Variants in SLC60A2 observed in about 807,000 individuals in gnomAD.
SLC60A2 encodes the protein solute carrier family 60 member 2.
chr6:111,262,927 A>G, the SLC60A2 span, among the ~76,000 whole-genome samples: 1 of 151,356 alleles, frequency 6.6e-6, no homozygotes, highest in Non-Finnish European at 1.5e-5. Flanking sequence ...CTGGAAATAG[A>G]TGGCAAAGCT....
chr6:111,261,950 C>A, the SLC60A2 span, among the ~76,000 whole-genome samples: 1 of 151,742 alleles, frequency 6.6e-6, no homozygotes. Flanking sequence ...TCAAAATGTA[C>A]GAAACCATTT....
At chr6:111,266,980 G>A in the SLC60A2 span, 1 of 1,614,214 alleles carries the variant, frequency 6.2e-7, no homozygotes, top group East Asian at 2.2e-5. Flanking sequence ...ACATCTAGAA[G>A]TAGTCTGACG....
At chr6:111,263,606 A>G in the SLC60A2 span, among the ~76,000 whole-genome samples, 1 of 152,226 alleles carries the variant, frequency 6.6e-6, no homozygotes, top group Non-Finnish European at 1.5e-5. Context: ...TTTGATTACT[A>G]GCAGTGCTTT....
chr6:111,265,822 T>C, the SLC60A2 span: 1 of 1,466,362 alleles, frequency 6.8e-7, no homozygotes, highest in Non-Finnish European at 9.2e-7. Flanking sequence ...CTTTTTTTTT[T>C]AATAAGTAAG....
At chr6:111,267,139 G>C in the SLC60A2 span, 1 of 1,572,702 alleles carries the variant, frequency 6.4e-7, no homozygotes, top group Non-Finnish European at 8.6e-7. Context: ...ATTACTCACT[G>C]ACATCTTTGA....
At chr6:111,279,790 C>G in the SLC60A2 span, among the ~76,000 whole-genome samples, 2 of 152,048 alleles carry the variant, frequency 1.3e-5, no homozygotes, top group Admixed American at 1.3e-4. Flanking sequence ...GACTACTCAC[C>G]TAGGCTGGGC....
the SLC60A2 span, chr6:111,267,239 A>T: frequency 1.0e-6 from 1 of 967,576 alleles, no homozygotes. Context: ...GGTCCATATT[A>T]TAGCAAATGC....
the SLC60A2 span, among the ~76,000 whole-genome samples, chr6:111,272,332 A>G: frequency 6.6e-6 from 1 of 152,090 alleles, no homozygotes; most frequent in South Asian, 2.1e-4. Flanking sequence ...CATGCATACA[A>G]TGTGTAGTGA....
At chr6:111,266,052 C>G in the SLC60A2 span, 1 of 1,614,192 alleles carries the variant, frequency 6.2e-7, no homozygotes, top group South Asian at 1.1e-5. Flanking sequence ...TGCACTCAAC[C>G]AATCATCTGA....
At chr6:111,266,000 G>C in the SLC60A2 span, 14 of 1,614,156 alleles carry the variant, frequency 8.7e-6, no homozygotes, top group Non-Finnish European at 1.2e-5. Context: ...CTTTGGGTCC[G>C]ACAGCGTCTG....
At chr6:111,266,073 G>A in the SLC60A2 span, 1 of 1,614,204 alleles carries the variant, frequency 6.2e-7, no homozygotes, top group Non-Finnish European at 8.5e-7. Flanking sequence ...TGCTGACTCA[G>A]AAGCTCTGTT....
chr6:111,267,379 G>T, the SLC60A2 span: 1 of 352,796 alleles, frequency 2.8e-6, no homozygotes, highest in Non-Finnish European at 5.1e-6. Flanking sequence ...ATATTTTATG[G>T]TCTCCACCCC....
the SLC60A2 span, among the ~76,000 whole-genome samples, chr6:111,263,412 C>T: frequency 6.6e-6 from 1 of 152,066 alleles, no homozygotes; most frequent in African/African-American, 2.4e-5. Flanking sequence ...CTCCCTATTT[C>T]CCAAACTAAT....
the SLC60A2 span, among the ~76,000 whole-genome samples, chr6:111,275,957 G>A: frequency 6.6e-6 from 1 of 152,098 alleles, no homozygotes; most frequent in Non-Finnish European, 1.5e-5. Context: ...CCCAGCCCTT[G>A]TCAACCACCA....
the SLC60A2 span, among the ~76,000 whole-genome samples, chr6:111,277,529 C>T: frequency 6.6e-6 from 1 of 152,138 alleles, no homozygotes; most frequent in East Asian, 1.9e-4. Context: ...GTTCAGTAAC[C>T]AGGGCCCTGG....
the SLC60A2 span, among the ~76,000 whole-genome samples, chr6:111,272,782 G>T: frequency 6.7e-6 from 1 of 149,890 alleles, no homozygotes; most frequent in East Asian, 2.0e-4. Context: ...AAAGTTCTGG[G>T]ATTACAGGTG....
the SLC60A2 span, among the ~76,000 whole-genome samples, chr6:111,259,911 C>CTTT: frequency 2.0e-3 from 240 of 121,156 alleles, 2 homozygotes; most frequent in South Asian, 0.01. Flanking sequence ...CTCCAGCAAG[C>CTTT]TTTTTTTTTT....
chr6:111,278,302 A>C, the SLC60A2 span: 3 of 152,218 alleles, frequency 2.0e-5, no homozygotes, highest in South Asian at 6.2e-4. Flanking sequence ...TACAGGAAAA[A>C]CCAAGGATAA....
At chr6:111,272,331 A>G in the SLC60A2 span, among the ~76,000 whole-genome samples, 1 of 152,034 alleles carries the variant, frequency 6.6e-6, no homozygotes, top group Non-Finnish European at 1.5e-5. Context: ...ACATGCATAC[A>G]ATGTGTAGTG....
Sources: gnomAD v4.1 joint callset for allele counts (sites outside exome capture counted in the v4.1 genomes callset) on GRCh38, gnomAD v4.1.1 for gene constraint, MANE v1.5 for transcripts, NCBI Gene and HGNC (gene_info 2026-07-23, HGNC 2026-07-21) for gene names.